DIO1: variants seen among roughly 807,000 people sequenced by gnomAD.
The protein encoded by DIO1 is type I iodothyronine deiodinase.
In DIO1, 17 loss-of-function variants were observed where a neutral mutation model predicts 25.9. That is an observed-to-expected ratio of 0.66 (90% confidence interval 0.45 to 0.98). DIO1 has a LOEUF of 0.98. DIO1 is among the 50% of genes least tolerant of loss of function. The pLI, the probability that DIO1 is intolerant of heterozygous loss-of-function variation, is 0.00. For synonymous variants in DIO1, 115 were observed against 114.0 expected, an observed-to-expected ratio of 1.01 and a Z score of -0.05; for missense variants, 270 against 310.4, an observed-to-expected ratio of 0.87 and a Z score of 0.98.
At chr1:53,897,197 T>C (rs1202947678) in intron 1 of DIO1, among the ~76,000 whole-genome samples, 1 of 152,228 alleles carries the variant, frequency 6.6e-6, no homozygotes, top group Non-Finnish European at 1.5e-5. Context: ...GAATTTGGTC[T>C]GAGCCCCGTG....
At chr1:53,909,761 C>T (rs751595791) in intron 3 of DIO1, among the ~76,000 whole-genome samples, 170 bp from the exon 4 acceptor site, 3 of 152,208 alleles carry the variant, frequency 2.0e-5, no homozygotes, top group Non-Finnish European at 4.4e-5. Flanking sequence ...TGCCACTGTA[C>T]ACACTTTCTC....
chr1:53,906,168 T>C lies in DIO1; in HGVS notation c.555T>C (p.His185=). ...QNLQDRLQAA[H]LLLARSPQCP... The stretch of plus-strand genomic sequence containing the variant: ...TTCAGGATCGCCTGCAGGCAGCCCA[T>C]CTACTGCTGGCCAGGAGCCCCCAGT... Residue 185 remains histidine (H), a synonymous_variant, in exon 3 of 4, where the codon CAT becomes CAC. Transcript: ENST00000361921. The C allele has an allele frequency of 6.2e-7, 1 of 1,614,180 alleles. No individual in the cohort carries two copies. The highest frequency in any genetic ancestry group is 8.5e-7 in the Non-Finnish European group (1 of 1,180,022).
chr1:53,903,928 TTTGGCGGCAGGCCCAGCAA>T (rs1651509839), intron 1 of DIO1, among the ~76,000 whole-genome samples: 1 of 151,918 alleles, frequency 6.6e-6, no homozygotes, highest in African/African-American at 2.4e-5. Context: ...TGCATTTTCA[TTTGGCGGCAGGCCCAGCAA>T]ATTATGCAGC....
Position 53,909,137 on chromosome 1 carries a change from C to T in DIO1, c.682-794C>T, listed in dbSNP as rs570250471. On this transcript the variant is annotated intron_variant, in intron 3 of 3. Coordinates refer to ENST00000361921, the MANE Select transcript of DIO1 (RefSeq NM_000792.7). ...AAAGAAAGTTCACTGGTTCCATGGC[C>T]GGGCGTGGTGGCTCATACCTGTAAT... 1.6e-4 allele frequency among the ~76,000 whole-genome samples: 23 copies of T among 148,318 alleles called. No homozygotes were observed. The South Asian group carries it at 3.0e-3, about 19-fold the overall frequency.
intron 1 of DIO1, among the ~76,000 whole-genome samples, chr1:53,897,500 A>AATAAAAT (rs1161631261): frequency 2.6e-5 from 4 of 151,924 alleles, no homozygotes; most frequent in Non-Finnish European, 5.9e-5. Context: ...TAAAATATAA[A>AATAAAAT]ATAAAATAAA....
chr1:53,900,211 A>G (rs1422367774), intron 1 of DIO1, among the ~76,000 whole-genome samples: 1 of 152,190 alleles, frequency 6.6e-6, no homozygotes, highest in Non-Finnish European at 1.5e-5. Context: ...GGAAGCTCAG[A>G]GTCAAAATAT....
chr1:53,901,262 T>TA (rs1334316499), intron 1 of DIO1, among the ~76,000 whole-genome samples: 1 of 152,282 alleles, frequency 6.6e-6, no homozygotes, highest in East Asian at 1.9e-4. Context: ...TACATGGCCC[T>TA]ACTGTAGCAG....
intron 3 of DIO1, among the ~76,000 whole-genome samples, chr1:53,906,550 G>A (rs1260374276): frequency 6.6e-6 from 1 of 152,236 alleles, no homozygotes; most frequent in South Asian, 2.1e-4. Flanking sequence ...GACTGGAGCT[G>A]CATCCTCCCG....
At chr1:53,904,565 G>GGA in intron 1 of DIO1, 101 bp from the exon 2 acceptor site, 1 of 1,455,796 alleles carries the variant, frequency 6.9e-7, no homozygotes, top group Non-Finnish European at 9.4e-7. Flanking sequence ...GGGGGGTAGG[G>GGA]GGAAATAAAA....
chr1:53,910,160 A>G lies in DIO1; in HGVS notation c.*161A>G. On this transcript the variant is annotated 3_prime_UTR_variant, in exon 4 of 4. Transcript: ENST00000361921. ...CAAACAACTCCCAGCTGAGGAATGC[A>G]GGCCACAGCACCCAATCAAGACAAA... 1 of 645,324 alleles carries G rather than the reference A, an allele frequency of 1.5e-6. No homozygotes were observed. Among genetic ancestry groups the G allele is most frequent in the Non-Finnish European group, 2.8e-6 (1 of 359,140 alleles). 40.0% of individuals were successfully genotyped at this position (645,324 alleles called of 1,614,324 possible).
At chr1:53,898,732 G>A (rs572262752) in intron 1 of DIO1, among the ~76,000 whole-genome samples, 147 of 124,326 alleles carry the variant, frequency 1.2e-3, no homozygotes, top group African/African-American at 3.9e-3. Context: ...GCAACAAAGC[G>A]AGACTCTGTC....
rs771144639 is a variant in DIO1, at chr1:53,904,789, T to C, written c.461T>C (p.Ile154Thr). 29 of 1,612,570 alleles carry C rather than the reference T, an allele frequency of 1.8e-5. No individual in the cohort carries two copies. The South Asian group carries it at 2.6e-4, about 15-fold the overall frequency. Residue 154 changes from isoleucine (I) to threonine (T), a missense_variant, in exon 2 of 4, where the codon ATT becomes ACT. Coordinates refer to ENST00000361921, the MANE Select transcript of DIO1 (RefSeq NM_000792.7). ...ATAGCAGATTTTCTTGTCATTTACA[T>C]TGAAGAAGCACATGCATCAGGTACA... is the stretch of plus-strand genomic sequence containing the variant. Reference protein sequence around the residue: ...SSIADFLVIYIEEAHASDGWA... With the variant: ...SSIADFLVIYTEEAHASDGWA...
chr1:53,906,373 A>C (rs1651656940), intron 3 of DIO1, 79 bp downstream of exon 3: 1 of 1,281,202 alleles, frequency 7.8e-7, no homozygotes, highest in African/African-American at 1.5e-5. Flanking sequence ...GCTTTGCATC[A>C]AGCAGAACTG....
At chr1:53,903,823 T>C (rs1461476746) in intron 1 of DIO1, among the ~76,000 whole-genome samples, 1 of 151,940 alleles carries the variant, frequency 6.6e-6, no homozygotes, top group Non-Finnish European at 1.5e-5. Context: ...CACTCCAGCC[T>C]GGGTGAGACT....
At position 53,894,188 on chromosome 1, in the gene DIO1, G is replaced by C; in HGVS notation, c.-23G>C. ...GCAGCCTCTCTGCCCATAGAACTCAGAGCTTACTCTGGCTTTGCCGAGATG... is the reference window on the plus strand; with the variant it reads ...GCAGCCTCTCTGCCCATAGAACTCACAGCTTACTCTGGCTTTGCCGAGATG... On this transcript the variant is annotated 5_prime_UTR_variant, in exon 1 of 4. Coordinates refer to ENST00000361921, the MANE Select transcript of DIO1 (RefSeq NM_000792.7). This position sits in a 1 kb window ranked among gnomAD's most constrained non-coding sequence, Gnocchi z 4.9. The C allele has an allele frequency of 6.2e-7, 1 of 1,600,676 alleles. No individual in the cohort carries two copies. The highest frequency in any genetic ancestry group is 8.5e-7 in the Non-Finnish European group (1 of 1,172,352).
At chr1:53,902,544 A>G (rs1651420584) in intron 1 of DIO1, among the ~76,000 whole-genome samples, 1 of 151,764 alleles carries the variant, frequency 6.6e-6, no homozygotes, top group Non-Finnish European at 1.5e-5. Context: ...CTCAGGGGAC[A>G]ATGAGTAGGG....
chr1:53,906,170 T>C lies in DIO1; in HGVS notation c.557T>C (p.Leu186Pro). Residue 186 changes from leucine to proline, a missense_variant, in exon 3 of 4, where the codon CTA (leucine) becomes CCA (proline). Physicochemically the swap from Leu to Pro is moderately conservative, Grantham distance 98. Coordinates refer to ENST00000361921, the MANE Select transcript of DIO1 (RefSeq NM_000792.7). ...CAGGATCGCCTGCAGGCAGCCCATCTACTGCTGGCCAGGAGCCCCCAGTGC... is the reference window on the plus strand; with the variant it reads ...CAGGATCGCCTGCAGGCAGCCCATCCACTGCTGGCCAGGAGCCCCCAGTGC... ...NLQDRLQAAHLLLARSPQCPV... is the reference protein window; with the variant it reads ...NLQDRLQAAHPLLARSPQCPV... 2.5e-6 allele frequency: 4 copies of C among 1,614,232 alleles called. No homozygotes were observed. The highest frequency in any genetic ancestry group is 3.4e-6 in the Non-Finnish European group (4 of 1,180,032).
intron 1 of DIO1, among the ~76,000 whole-genome samples, chr1:53,901,302 T>C (rs1190285244): frequency 1.3e-5 from 2 of 152,160 alleles, no homozygotes; most frequent in African/African-American, 4.8e-5. Flanking sequence ...CAACAGAAGC[T>C]CCCTCTGGTT....
rs1651891694 is a variant in DIO1 at position 53,910,435 on chromosome 1, C to A, written c.*436C>A. The A allele has an allele frequency of 1.2e-5, 2 of 164,566 alleles. No individual in the cohort carries two copies. Among genetic ancestry groups the A allele is most frequent in the African/African-American group, 2.4e-5 (1 of 42,094 alleles). 10.2% of individuals were successfully genotyped at this position (164,566 alleles called of 1,614,324 possible). The stretch of plus-strand genomic sequence containing the variant: ...CCTTCTATTAGGGAAATTCATTTTA[C>A]CCAATTTGCATTTATGGAATTGATC... On this transcript the variant is annotated 3_prime_UTR_variant, in exon 4 of 4. Transcript: ENST00000361921.
Sources: allele counts gnomAD v4.1 joint callset (sites outside exome capture counted in the v4.1 genomes callset), GRCh38; gene constraint gnomAD v4.1.1; non-coding constraint Gnocchi (gnomAD v3.1); transcripts MANE v1.5; gene names NCBI Gene and HGNC (gene_info 2026-07-23, HGNC 2026-07-21).